DHRS2: variants seen among roughly 807,000 people sequenced by gnomAD.
The protein encoded by DHRS2 is dehydrogenase/reductase SDR family member 2, mitochondrial.
A neutral mutation model predicts 26.3 loss-of-function variants in DHRS2; 29 were observed. The observed-to-expected ratio is 1.10, with a 90% CI of 0.82 to 1.50. The LOEUF is 1.50. Ranked by LOEUF, DHRS2 falls within the 40% of genes most tolerant of loss-of-function variation. The probability of loss-of-function intolerance (pLI) is 0.00; values close to 1 mark genes in which losing one functional copy is unlikely to be tolerated. For synonymous variants in DHRS2, 164 were observed against 151.3 expected (o/e 1.08, Z -0.62); for missense variants, 439 against 367.1 (o/e 1.20, Z -1.60).
rs962565569 is a variant in DHRS2, at chr14:23,636,766, C to T, written c.-45C>T. ...CAAGCGGTGAGACTATCACCTATCG[C>T]CAAGTGGTGAGTACCATCAGATCCC... On this transcript the variant is annotated 5_prime_UTR_variant, in exon 1 of 9. Transcript: ENST00000250383. The T allele has an allele frequency of 1.1e-4, 17 of 152,348 alleles. No individual in the cohort carries two copies. Among genetic ancestry groups the T allele is most frequent in the African/African-American group, 4.1e-4 (17 of 41,580 alleles). The allele number at this position is 152,348 out of a possible 1,614,324, so 9.4% of individuals were successfully genotyped here.
At chr14:23,633,254 T>C (rs1481704149), upstream of DHRS2, among the ~76,000 whole-genome samples, 1 of 152,200 alleles carries the variant, frequency 6.6e-6, no homozygotes, top group South Asian at 2.1e-4. Flanking sequence ...AGGGCACAGG[T>C]CTCCACACAG....
intron 3 of DHRS2, 112 bp downstream of exon 3, chr14:23,639,468 C>T (rs947214396): frequency 1.4e-6 from 2 of 1,383,150 alleles, no homozygotes; most frequent in Non-Finnish European, 1.9e-6. Flanking sequence ...CATGACTGCA[C>T]CCAGGCTGCC....
At chr14:23,635,605 ATT>A (rs746620618), upstream of DHRS2, among the ~76,000 whole-genome samples, 87 of 152,148 alleles carry the variant, frequency 5.7e-4, no homozygotes, top group Non-Finnish European at 1.0e-3. Context: ...GTTTCTGTTG[ATT>A]TTGCTTTTTC....
At chr14:23,644,294 T>A in intron 6 of DHRS2, 115 bp from the exon 7 acceptor site, 1 of 1,561,266 alleles carries the variant, frequency 6.4e-7, no homozygotes, top group South Asian at 1.1e-5. Context: ...GCTGAGCTTG[T>A]CTCCATGTGG....
intron 5 of DHRS2, 144 bp downstream of exon 5, chr14:23,643,363 C>T: frequency 4.1e-6 from 3 of 736,132 alleles, no homozygotes; most frequent in Non-Finnish European, 6.8e-6. Flanking sequence ...TCCTGCCTCC[C>T]CATCTGTGTG....
intron 4 of DHRS2, chr14:23,642,322 C>T (rs200527566): frequency 4.5e-5 from 7 of 156,044 alleles, no homozygotes; most frequent in Non-Finnish European, 7.1e-5. Flanking sequence ...CTTGCTTTTT[C>T]TTATTTTTCT....
chr14:23,637,013 G>A (rs2138368134), intron 1 of DHRS2, among the ~76,000 whole-genome samples: 1 of 152,240 alleles, frequency 6.6e-6, no homozygotes, highest in South Asian at 2.1e-4. Context: ...GCTGAGCTGA[G>A]GGTCAACAGA....
In DHRS2 at chr14:23,638,899, G is replaced by C; in HGVS notation, c.35G>C (p.Trp12Ser). Residue 12 changes from tryptophan (W) to serine (S), a missense_variant, in exon 2 of 9, where the codon TGG (tryptophan) becomes TCG (serine). Transcript: ENST00000250383. ...LSAVARGYQG[W>S]FHPCARLSVR... ...GCAGTTGCCCGGGGCTACCAGGGCTGGTTTCATCCCTGTGCTAGGCTTTCT... is the reference window on the plus strand; with the variant it reads ...GCAGTTGCCCGGGGCTACCAGGGCTCGTTTCATCCCTGTGCTAGGCTTTCT... 4 of 1,614,208 alleles carry C rather than the reference G, an allele frequency of 2.5e-6. No individual in the cohort carries two copies. The highest frequency in any genetic ancestry group is 3.4e-6 in the Non-Finnish European group (4 of 1,180,036).
At position 23,644,955 on chromosome 14, in the gene DHRS2, A is replaced by G. The variant is rs1186157927; in HGVS notation, c.731+73A>G. The G allele has an allele frequency of 3.8e-6, 6 of 1,576,698 alleles. 1 individual carries two copies. The highest frequency in any genetic ancestry group is 5.2e-6 in the Non-Finnish European group (6 of 1,146,606). On this transcript the variant is annotated intron_variant, in intron 8 of 8. Transcript: ENST00000250383. Reference sequence around the variant, plus strand: ...GCAGTTGAGTCTATTGCAAGAGCAGACCCCTCCCTGTCATCTGGCCATTGT... The same window carrying G: ...GCAGTTGAGTCTATTGCAAGAGCAGGCCCCTCCCTGTCATCTGGCCATTGT...
intron 4 of DHRS2, chr14:23,640,488 TA>T: frequency 1.0e-6 from 1 of 968,174 alleles, no homozygotes; most frequent in South Asian, 4.8e-5. Context: ...AGAGACCTTG[TA>T]AAATGCCTTG....
chr14:23,639,182 C>G lies in DHRS2; in HGVS notation c.144C>G (p.Ile48Met). 6.2e-7 allele frequency: 1 copy of G among 1,612,930 alleles called. No individual in the cohort carries two copies. The highest frequency in any genetic ancestry group is 2.2e-5 in the East Asian group (1 of 44,880). Residue 48 changes from isoleucine (I) to methionine (M), a missense_variant, in exon 3 of 9, where the codon ATC (isoleucine) becomes ATG (methionine). Physicochemically the swap from Ile to Met is conservative, Grantham distance 10 (BLOSUM62 1). Transcript: ENST00000250383. Reference sequence around the variant, plus strand: ...TGCCCTCCATCTCTGCATTCAGGATCGGCTTTGCCATCGCCCGACGTCTGG... The same window carrying G: ...TGCCCTCCATCTCTGCATTCAGGATGGGCTTTGCCATCGCCCGACGTCTGG... ...VAVVTGSTSGIGFAIARRLAR... is the reference protein window; with the variant it reads ...VAVVTGSTSGMGFAIARRLAR...
chr14:23,631,647 T>G (rs1182660585), upstream of DHRS2, among the ~76,000 whole-genome samples: 1 of 151,946 alleles, frequency 6.6e-6, no homozygotes, highest in East Asian at 1.9e-4. Context: ...GTGTGCCCAT[T>G]CAGCTTCCCC....
At chr14:23,644,773 C>G in intron 7 of DHRS2, 54 bp from the exon 8 acceptor site, 1 of 1,600,050 alleles carries the variant, frequency 6.2e-7, no homozygotes, top group Non-Finnish European at 8.6e-7. Flanking sequence ...TTCCCGGGGC[C>G]CTGCCCATCT....
chr14:23,636,677 C>T lies in DHRS2; in HGVS notation c.-134C>T, dbSNP rs1890307286. The T allele has an allele frequency of 2.6e-5, 4 of 152,244 alleles. No individual in the cohort carries two copies. Among genetic ancestry groups the T allele is most frequent in the Admixed American group, 6.5e-5 (1 of 15,292 alleles). The allele number at this position is 152,244 out of a possible 1,614,324, so 9.4% of individuals were successfully genotyped here. A position where few individuals can be genotyped will look rare whatever the true frequency, so the allele number is the denominator to read the frequency against. ...TTGGTGACTTTGAAGAGACTGTCACCTATCACCAAGTGGTGAGACTATTGC... is the reference window on the plus strand; with the variant it reads ...TTGGTGACTTTGAAGAGACTGTCACTTATCACCAAGTGGTGAGACTATTGC... On this transcript the variant is annotated 5_prime_UTR_variant, in exon 1 of 9. Transcript: ENST00000250383.
intron 1 of DHRS2, among the ~76,000 whole-genome samples, chr14:23,637,357 C>G (rs1322770131): frequency 1.3e-5 from 2 of 152,162 alleles, no homozygotes; most frequent in Non-Finnish European, 2.9e-5. Flanking sequence ...GCCCAAAGCC[C>G]AGTTGTAGGG....
At chr14:23,644,772 C>T in intron 7 of DHRS2, 55 bp from the exon 8 acceptor site, 1 of 1,598,328 alleles carries the variant, frequency 6.3e-7, no homozygotes, top group Non-Finnish European at 8.6e-7. Flanking sequence ...CTTCCCGGGG[C>T]CCTGCCCATC....
rs1890690424 is a variant in DHRS2 at position 23,641,968 on chromosome 14, C to A, written c.421-1184C>A. On this transcript the variant is annotated intron_variant, in intron 4 of 8. Transcript: ENST00000250383. ...GCCATGTCAGTCCCACCTGGCACTG[C>A]CCTAGCTCCCAGGCTCCGCCTCTGC... 12 of 1,139,792 alleles carry A rather than the reference C, an allele frequency of 1.1e-5. No individual in the cohort carries two copies. The South Asian group carries it at 2.3e-4, about 22-fold the overall frequency. 70.6% of individuals were successfully genotyped at this position (1,139,792 alleles called of 1,614,324 possible).
intron 1 of DHRS2, chr14:23,637,969 GA>G (rs760053252): frequency 3.9e-5 from 6 of 152,352 alleles, no homozygotes; most frequent in Non-Finnish European, 8.8e-5. Flanking sequence ...CAACCTGCTT[GA>G]GTCCCCTTCC....
intron 4 of DHRS2, 132 bp from the exon 5 acceptor site, chr14:23,643,020 G>A (rs188637083): frequency 3.6e-6 from 3 of 827,512 alleles, no homozygotes; most frequent in South Asian, 1.6e-5. Context: ...AGTCAGAAGG[G>A]GGATTGGTTT....
Sources: gnomAD v4.1 joint callset for allele counts (sites outside exome capture counted in the v4.1 genomes callset) on GRCh38, gnomAD v4.1.1 for gene constraint, MANE v1.5 for transcripts, NCBI Gene and HGNC (gene_info 2026-07-23, HGNC 2026-07-21) for gene names.